SH3BGRL: variants seen among roughly 807,000 people sequenced by gnomAD.
SH3BGRL encodes adapter SH3BGRL.
A neutral mutation model predicts 9.8 loss-of-function variants in SH3BGRL; 7 were observed. The observed-to-expected ratio is 0.72, with a 90% CI of 0.41 to 1.35. SH3BGRL has a LOEUF of 1.35. Among genes scored for constraint, SH3BGRL ranks in the 40% most tolerant of loss-of-function variants. The probability of loss-of-function intolerance (pLI) is 0.01; values close to 1 mark genes in which losing one functional copy is unlikely to be tolerated. For synonymous variants in SH3BGRL, 36 were observed against 29.1 expected, an observed-to-expected ratio of 1.24 and a Z score of -0.76; for missense variants, 73 against 84.4, an observed-to-expected ratio of 0.86 and a Z score of 0.53.
chrX:81,206,718 G>T (rs1339196400), intron 1 of SH3BGRL, among the ~76,000 whole-genome samples: 1 of 111,858 alleles, frequency 8.9e-6, no homozygotes, highest in African/African-American at 3.3e-5. Context: ...GAGGGATATT[G>T]TGTCTAAAAG....
intron 1 of SH3BGRL, among the ~76,000 whole-genome samples, chrX:81,207,933 G>A (rs1470031012): frequency 9.0e-6 from 1 of 111,722 alleles, no homozygotes; most frequent in Non-Finnish European, 1.9e-5. Context: ...TGGTTGTAGG[G>A]AAGAATATAT....
intron 1 of SH3BGRL, among the ~76,000 whole-genome samples, chrX:81,210,290 T>C (rs1415604500): frequency 8.9e-6 from 1 of 111,945 alleles, no homozygotes; most frequent in African/African-American, 3.3e-5. Context: ...CATGTTTTTC[T>C]GTTAAAATTA....
At chrX:81,218,936 A>T (rs936416013) in intron 1 of SH3BGRL, among the ~76,000 whole-genome samples, 9 of 109,955 alleles carry the variant, frequency 8.2e-5, no homozygotes, top group African/African-American at 3.0e-4. Context: ...AGACCTAATA[A>T]ACAAATTATG....
At chrX:81,293,290 T>A (rs916664597) in intron 3 of SH3BGRL, among the ~76,000 whole-genome samples, 28 of 112,181 alleles carry the variant, frequency 2.5e-4, no homozygotes, top group Non-Finnish European at 3.9e-4. Context: ...ATTTTTTTTT[T>A]CTTCCCAGCC....
At chrX:81,286,626 A>G (rs763984490) in intron 3 of SH3BGRL, among the ~76,000 whole-genome samples, 32 of 109,596 alleles carry the variant, frequency 2.9e-4, no homozygotes, top group Non-Finnish European at 4.8e-4. Context: ...CCATCCCTTT[A>G]GGATAGATAT....
intron 3 of SH3BGRL, among the ~76,000 whole-genome samples, chrX:81,284,451 CCTGTAAAGACCTGAGCGGG>C (rs1198144573): frequency 1.8e-5 from 2 of 109,657 alleles, no homozygotes; most frequent in Non-Finnish European, 3.8e-5. Context: ...GTTGCTTGTG[CCTGTAAAGACCTGAGCGGG>C]ATTAAAGCTA....
intron 1 of SH3BGRL, among the ~76,000 whole-genome samples, chrX:81,214,302 T>C (rs2075574716): frequency 9.0e-6 from 1 of 111,174 alleles, no homozygotes; most frequent in Non-Finnish European, 1.9e-5. Flanking sequence ...GGTTAAGAAA[T>C]GGAGCAAATA....
intron 1 of SH3BGRL, among the ~76,000 whole-genome samples, chrX:81,259,620 C>A (rs1321965630): frequency 8.9e-6 from 1 of 112,072 alleles, no homozygotes; most frequent in African/African-American, 3.2e-5. Context: ...TAGCACTTGT[C>A]ACAAATTTAG....
intron 1 of SH3BGRL, among the ~76,000 whole-genome samples, chrX:81,272,532 G>A (rs1164447650): frequency 1.1e-5 from 1 of 94,249 alleles, no homozygotes; most frequent in Non-Finnish European, 2.1e-5. Flanking sequence ...ACAGAGTCTC[G>A]TTCTGCCGCC....
intron 3 of SH3BGRL, among the ~76,000 whole-genome samples, chrX:81,285,859 G>T (rs183893207): frequency 3.6e-5 from 4 of 111,414 alleles, no homozygotes; most frequent in African/African-American, 1.3e-4. Context: ...AAAATGTATG[G>T]ATAGGACAAA....
chrX:81,268,693 A>T (rs1486137734), intron 1 of SH3BGRL, among the ~76,000 whole-genome samples: 14 of 111,599 alleles, frequency 1.3e-4, no homozygotes, highest in Admixed American at 1.2e-3. Flanking sequence ...TGTATATTCT[A>T]TTGATTTGGG....
intron 1 of SH3BGRL, among the ~76,000 whole-genome samples, chrX:81,275,736 AGGGACAT>A (rs761268300): frequency 3.0e-3 from 342 of 112,518 alleles, no homozygotes; most frequent in Non-Finnish European, 3.9e-3. Context: ...ATCTTTAAAG[AGGGACAT>A]TCAGTACCCT....
chrX:81,249,288 A>G (rs142374961), intron 1 of SH3BGRL, among the ~76,000 whole-genome samples: 2,599 of 112,272 alleles, frequency 0.023, 71 homozygotes, highest in African/African-American at 0.08. Context: ...AGTAAATCTC[A>G]TTAGTTATTT....
intron 1 of SH3BGRL, among the ~76,000 whole-genome samples, chrX:81,222,795 TAA>T (rs1442360733): frequency 8.9e-6 from 1 of 111,805 alleles, no homozygotes; most frequent in African/African-American, 3.3e-5. Flanking sequence ...ACCAACAGTG[TAA>T]AAGTGTTCCT....
intron 1 of SH3BGRL, among the ~76,000 whole-genome samples, chrX:81,208,952 A>G (rs1242138269): frequency 8.1e-5 from 9 of 110,512 alleles, no homozygotes; most frequent in Non-Finnish European, 1.3e-4. Context: ...TAAGTGTTCA[A>G]TGATGCTAGG....
chrX:81,276,896 T>C, intron 1 of SH3BGRL, 88 bp from the exon 2 acceptor site: 1 of 771,965 alleles, frequency 1.3e-6, no homozygotes, highest in Admixed American at 3.4e-5. Context: ...CCACAATCTT[T>C]GTTCTGTCTG....
At chrX:81,264,298 G>C (rs771092938) in intron 1 of SH3BGRL, among the ~76,000 whole-genome samples, 53 of 110,645 alleles carry the variant, frequency 4.8e-4, no homozygotes, top group Non-Finnish European at 9.5e-4. Context: ...CAAAAACAAG[G>C]CTTTGTAGTC....
chrX:81,230,641 A>G (rs1239116680), intron 1 of SH3BGRL, among the ~76,000 whole-genome samples: 3 of 112,332 alleles, frequency 2.7e-5, no homozygotes, highest in Non-Finnish European at 5.6e-5. Flanking sequence ...ATAATATGCA[A>G]TAAAATTGGA....
chrX:81,270,376 T>C (rs935681045), intron 1 of SH3BGRL, among the ~76,000 whole-genome samples: 2 of 112,048 alleles, frequency 1.8e-5, no homozygotes, highest in Non-Finnish European at 3.8e-5. Flanking sequence ...TGGTCTTTGA[T>C]GTTGCTGATC....
Sources: gnomAD v4.1 joint callset for allele counts (sites outside exome capture counted in the v4.1 genomes callset) on GRCh38, gnomAD v4.1.1 for gene constraint, MANE v1.5 for transcripts, NCBI Gene and HGNC (gene_info 2026-07-23, HGNC 2026-07-21) for gene names.